The following PARD3 variants were observed in gnomAD, a reference collection of about 807,000 sequenced individuals.
PARD3 encodes par-3 family cell polarity regulator.
Under a neutral mutation model 155.4 loss-of-function variants are expected in PARD3, and 75 were observed. The observed-to-expected ratio is 0.48, with a 90% CI of 0.40 to 0.58. The LOEUF (loss-of-function observed/expected upper bound fraction) is 0.58, where lower values mean the gene tolerates loss of function less well. Ranked by LOEUF, PARD3 falls within the 20% of genes least tolerant of loss-of-function variation. The pLI is 0.00. For synonymous variants in PARD3, 576 were observed against 610.5 expected, an observed-to-expected ratio of 0.94 and a Z score of 0.83; for missense variants, 1,642 against 1,721.7, an observed-to-expected ratio of 0.95 and a Z score of 0.82.
intron 2 of PARD3, among the ~76,000 whole-genome samples, chr10:34,640,736 A>AAAAAAAAAAAAAAAAAG (rs2092651601): frequency 1.4e-5 from 2 of 144,068 alleles, no homozygotes; most frequent in African/African-American, 5.2e-5. Flanking sequence ...AAAAAAAAAA[A>AAAAAAAAAAAAAAAAAG]GCACTTTTAG....
chr10:34,291,075 T>C (rs1009247160), intron 20 of PARD3, among the ~76,000 whole-genome samples: 2 of 152,226 alleles, frequency 1.3e-5, no homozygotes, highest in South Asian at 2.1e-4. Context: ...ACATTCTTGG[T>C]GCAGAACTAA....
chr10:34,742,143 C>T (rs2095030573), intron 1 of PARD3, among the ~76,000 whole-genome samples: 1 of 152,186 alleles, frequency 6.6e-6, no homozygotes, highest in South Asian at 2.1e-4. Flanking sequence ...AAACTTGGTT[C>T]TTCCAAGTTT....
At position 34,331,267 on chromosome 10, in the gene PARD3, C is replaced by T; in HGVS notation, c.2683G>A (p.Ala895Thr). 1.2e-6 allele frequency: 2 copies of T among 1,613,998 alleles called. No individual in the cohort carries two copies. Among genetic ancestry groups the T allele is most frequent in the Non-Finnish European group, 1.7e-6 (2 of 1,179,950 alleles). The change falls in exon 19 of 25, where the codon GCC becomes ACC. Residue 895 changes from alanine to threonine, a missense_variant. Ala to Thr is a moderately conservative substitution (Grantham distance 58, BLOSUM62 0). This residue lies in a region of PARD3 where 1,529 missense variants were observed against 1,587.3 expected (regional missense o/e 0.96). Transcript: ENST00000374788. ...SSLESLQTAV[A>T]EVTLNGDIPF... ...ATATCCCCATTCAAAGTCACCTCGG[C>T]AACTGCGGTCTGCAGACTCTCCAAC...
chr10:34,315,967 T>G (rs11009730), intron 20 of PARD3, among the ~76,000 whole-genome samples: 2,920 of 152,314 alleles, frequency 0.019, 50 homozygotes, highest in East Asian at 0.058. Flanking sequence ...AGAACACATC[T>G]GTTGAGCTGT....
chr10:34,416,207 T>C (rs1336653247), intron 5 of PARD3, among the ~76,000 whole-genome samples: 3 of 152,008 alleles, frequency 2.0e-5, no homozygotes, highest in Admixed American at 1.3e-4. Flanking sequence ...AAATGGGAAA[T>C]AGAGTTTACT....
intron 5 of PARD3, among the ~76,000 whole-genome samples, chr10:34,423,599 T>G (rs2075433422): frequency 6.6e-6 from 1 of 152,170 alleles, no homozygotes; most frequent in South Asian, 2.1e-4. Context: ...TTAAAACATT[T>G]TATAAAATTT....
chr10:34,539,191 A>T (rs1426920166), intron 2 of PARD3, among the ~76,000 whole-genome samples: 1 of 152,192 alleles, frequency 6.6e-6, no homozygotes, highest in Non-Finnish European at 1.5e-5. Flanking sequence ...GTATTCTAAC[A>T]TCCAGCCATA....
At chr10:34,227,193 TGGGCAAAGG>T (rs1952642568) in intron 22 of PARD3, among the ~76,000 whole-genome samples, 1 of 152,126 alleles carries the variant, frequency 6.6e-6, no homozygotes, top group African/African-American at 2.4e-5. Context: ...CATTAAGAAA[TGGGCAAAGG>T]ACATGAACAG....
At chr10:34,311,215 C>T (rs900677199) in intron 20 of PARD3, among the ~76,000 whole-genome samples, 3 of 152,152 alleles carry the variant, frequency 2.0e-5, no homozygotes, top group Non-Finnish European at 2.9e-5. Context: ...TCAACCCAAT[C>T]CACAATACCC....
At chr10:34,296,209 GGCCCAA>G (rs1956903287) in intron 20 of PARD3, among the ~76,000 whole-genome samples, 1 of 152,122 alleles carries the variant, frequency 6.6e-6, no homozygotes, top group African/African-American at 2.4e-5. Flanking sequence ...AGTTATTGAT[GGCCCAA>G]CTATTAGCCT....
At position 34,425,189 on chromosome 10, in the gene PARD3, T is replaced by C. The variant is rs531682076; in HGVS notation, c.715-23272A>G. ...CTCACCCTCCTAAGCGTTCTCTCTT[T>C]TGTCTCTCTCTTCTCAAATCCATTT... is the stretch of plus-strand genomic sequence containing the variant. On this transcript the variant is annotated intron_variant, in intron 5 of 24. Coordinates refer to ENST00000374788, the MANE Select transcript of PARD3 (RefSeq NM_001184785.2). 3.3e-5 allele frequency among the ~76,000 whole-genome samples: 5 copies of C among 152,310 alleles called. No homozygotes were observed. The East Asian group carries it at 9.7e-4, about 29-fold the overall frequency.
At chr10:34,806,965 T>C (rs746330931) in intron 1 of PARD3, among the ~76,000 whole-genome samples, 8 of 152,216 alleles carry the variant, frequency 5.3e-5, no homozygotes, top group Non-Finnish European at 1.0e-4. Context: ...TCAAAATTTC[T>C]GGGAGCCAAA....
chr10:34,337,346 G>T lies in PARD3; in HGVS notation c.2489C>A (p.Thr830Lys). ...FGRQSMSEKRTKQFSDASQLD... is the reference protein window; with the variant it reads ...FGRQSMSEKRKKQFSDASQLD... ...TTGACTGGCATCTGAAAATTGCTTTGTGCGTTTTTCTGACATACTCTGACG... is the reference window on the plus strand; with the variant it reads ...TTGACTGGCATCTGAAAATTGCTTTTTGCGTTTTTCTGACATACTCTGACG... Residue 830 changes from threonine to lysine, a missense_variant, in exon 17 of 25, where the codon ACA (threonine) becomes AAA (lysine). Transcript: ENST00000374788. 1 of 1,601,556 alleles carries T rather than the reference G, an allele frequency of 6.2e-7. No homozygotes were observed.
chr10:34,360,062 G>C lies in PARD3; in HGVS notation c.1896+9C>G, dbSNP rs1255081223. Reference sequence around the variant, plus strand: ...TAATAGGCATACGCATGATAAAGTTGACACTCACTTTAGATGCTGCTCCTC... The same window carrying C: ...TAATAGGCATACGCATGATAAAGTTCACACTCACTTTAGATGCTGCTCCTC... On this transcript the variant is annotated intron_variant, in intron 13 of 24. Transcript: ENST00000374788. The C allele has an allele frequency of 1.2e-6, 2 of 1,606,120 alleles. No individual in the cohort carries two copies. The highest frequency in any genetic ancestry group is 1.7e-4 in the Middle Eastern group (1 of 6,044).
chr10:34,528,388 G>A (rs564034309), intron 2 of PARD3, among the ~76,000 whole-genome samples: 14 of 152,132 alleles, frequency 9.2e-5, no homozygotes, highest in Non-Finnish European at 2.1e-4. Context: ...TTATCCTGCG[G>A]TTTGCCAGGA....
intron 2 of PARD3, among the ~76,000 whole-genome samples, chr10:34,613,419 T>C (rs2091044957): frequency 6.6e-6 from 1 of 152,196 alleles, no homozygotes. Flanking sequence ...ACAACATCTG[T>C]GCAATTACGA....
intron 2 of PARD3, among the ~76,000 whole-genome samples, chr10:34,585,506 T>G (rs977115690): frequency 6.6e-6 from 1 of 151,802 alleles, no homozygotes; most frequent in Non-Finnish European, 1.5e-5. Context: ...GTACTAAGGC[T>G]CACCACTTTT....
intron 22 of PARD3, among the ~76,000 whole-genome samples, chr10:34,195,218 C>T (rs1346943998): frequency 2.0e-5 from 3 of 152,160 alleles, no homozygotes; most frequent in Non-Finnish European, 2.9e-5. Flanking sequence ...TTTTCTAATC[C>T]TAACTTCAAG....
intron 3 of PARD3, among the ~76,000 whole-genome samples, chr10:34,489,867 T>C (rs901896947): frequency 6.6e-6 from 1 of 152,250 alleles, no homozygotes; most frequent in Non-Finnish European, 1.5e-5. Context: ...TCTATTATTA[T>C]TCCCATTTTA....
Sources: allele counts gnomAD v4.1 joint callset (sites outside exome capture counted in the v4.1 genomes callset), GRCh38; gene constraint gnomAD v4.1.1; regional missense constraint gnomAD v4.1.1; transcripts MANE v1.5; gene names NCBI Gene and HGNC (gene_info 2026-07-23, HGNC 2026-07-21).